The following RBFOX1 variants were observed in gnomAD, a reference collection of about 807,000 sequenced individuals.
RBFOX1 encodes the protein RNA binding fox-1 homolog 1.
RBFOX1 carries 8 observed loss-of-function variants against 57.7 expected under a neutral mutation model. That is an observed-to-expected ratio of 0.14 (90% CI 0.08 to 0.25). RBFOX1 has a LOEUF of 0.25. Ranked by LOEUF, RBFOX1 falls within the 10% of genes least tolerant of loss-of-function variation. RBFOX1 has a pLI of 1.00. For synonymous variants in RBFOX1, 326 were observed against 222.4 expected (o/e 1.47, Z -4.15); for missense variants, 611 against 548.5 (o/e 1.11, Z -1.14).
chr16:6,985,172 G>A (rs896165893), intron 3 of RBFOX1, among the ~76,000 whole-genome samples: 1 of 134,600 alleles, frequency 7.4e-6, no homozygotes, highest in Admixed American at 7.2e-5. Context: ...AGCATAGTAT[G>A]GTTTAAAATG....
intron 3 of RBFOX1, among the ~76,000 whole-genome samples, chr16:6,666,747 C>A (rs567839168): frequency 1.3e-5 from 2 of 152,102 alleles, no homozygotes; most frequent in African/African-American, 4.8e-5. Context: ...CGGTGACTTA[C>A]GAGAGTTATT....
At chr16:7,636,634 G>C (rs1024114575) in intron 11 of RBFOX1, among the ~76,000 whole-genome samples, 2 of 152,146 alleles carry the variant, frequency 1.3e-5, no homozygotes, top group African/African-American at 4.8e-5. Context: ...GTTTTGTTTT[G>C]CACTGTATCA....
chr16:6,659,877 G>C (rs116798453), intron 3 of RBFOX1, among the ~76,000 whole-genome samples: 7 of 152,028 alleles, frequency 4.6e-5, no homozygotes, highest in African/African-American at 1.7e-4. Flanking sequence ...GACCTGATTC[G>C]GTTCCTAGGT....
At chr16:7,564,669 G>A (rs1052639896) in intron 5 of RBFOX1, among the ~76,000 whole-genome samples, 1 of 149,260 alleles carries the variant, frequency 6.7e-6, no homozygotes, top group Non-Finnish European at 1.5e-5. Flanking sequence ...AGAAATAAAT[G>A]TCTGTTGTTT....
At chr16:6,854,830 G>A (rs559830774) in intron 3 of RBFOX1, among the ~76,000 whole-genome samples, 69 of 152,038 alleles carry the variant, frequency 4.5e-4, no homozygotes, top group African/African-American at 1.5e-3. Context: ...TCCTGACCTC[G>A]TGATCCGCCT....
chr16:6,814,184 C>G (rs564384301), intron 3 of RBFOX1, among the ~76,000 whole-genome samples: 8 of 144,772 alleles, frequency 5.5e-5, no homozygotes, highest in Non-Finnish European at 1.0e-4. Context: ...GATCTCATTG[C>G]ATGATCAACA....
intron 14 of RBFOX1, among the ~76,000 whole-genome samples, chr16:7,704,629 C>T (rs538289242): frequency 1.3e-5 from 2 of 152,308 alleles, no homozygotes; most frequent in East Asian, 3.9e-4. Flanking sequence ...GACACTGCCC[C>T]AGCCTCCATG....
chr16:6,542,104 T>TG lies in RBFOX1; in HGVS notation c.-63-112499_-63-112498insG, dbSNP rs1247803509. Among the ~76,000 whole-genome samples, 4 of 152,256 alleles carry TG rather than the reference T, an allele frequency of 2.6e-5. No individual in the cohort carries two copies. In the East Asian group the frequency reaches 7.7e-4, roughly 29 times the overall value. ...CCATCACACAGAGATAACTTTTTTTTCTTTAGAGACAGGCTATTGCTATGT... is the reference window on the plus strand; with the variant it reads ...CCATCACACAGAGATAACTTTTTTTTGCTTTAGAGACAGGCTATTGCTATGT... On this transcript the variant is annotated intron_variant, in intron 2 of 15. Coordinates refer to ENST00000550418, the MANE Select transcript of RBFOX1 (RefSeq NM_018723.4).
At chr16:7,622,622 T>A (rs374720034) in intron 10 of RBFOX1, among the ~76,000 whole-genome samples, 1 of 84,822 alleles carries the variant, frequency 1.2e-5, no homozygotes, top group Non-Finnish European at 2.2e-5. Flanking sequence ...AAGTGGTGTA[T>A]TTTTTTTTTG....
chr16:6,615,737 C>T (rs945452686), intron 2 of RBFOX1, among the ~76,000 whole-genome samples: 1 of 152,140 alleles, frequency 6.6e-6, no homozygotes, highest in Non-Finnish European at 1.5e-5. Context: ...CTTTGAAAGT[C>T]TCTCTATATA....
chr16:7,695,742 ATT>A (rs1568511324), intron 14 of RBFOX1, among the ~76,000 whole-genome samples: 1 of 151,534 alleles, frequency 6.6e-6, no homozygotes, highest in Non-Finnish European at 1.5e-5. Context: ...TTATAAAAAC[ATT>A]TATTAGAGCA....
chr16:7,437,259 C>CG (rs377066561), intron 4 of RBFOX1, among the ~76,000 whole-genome samples: 2 of 77,584 alleles, frequency 2.6e-5, no homozygotes, highest in East Asian at 7.0e-4. Flanking sequence ...TGCCCCCCCC[C>CG]CCTTTCTGTT....
intron 4 of RBFOX1, among the ~76,000 whole-genome samples, chr16:7,293,839 A>G (rs528809805): frequency 5.8e-4 from 89 of 152,242 alleles, no homozygotes; most frequent in Non-Finnish European, 8.4e-4. Flanking sequence ...AAGGTATGCA[A>G]TGATGCCAGG....
chr16:6,235,433 T>A (rs2097498360), intron 1 of RBFOX1, among the ~76,000 whole-genome samples: 1 of 152,072 alleles, frequency 6.6e-6, no homozygotes, highest in Non-Finnish European at 1.5e-5. Context: ...GGTCATCATA[T>A]GAAAAAGACA....
intron 3 of RBFOX1, among the ~76,000 whole-genome samples, chr16:6,974,308 G>A (rs1187006417): frequency 1.4e-5 from 2 of 146,086 alleles, no homozygotes; most frequent in Non-Finnish European, 3.0e-5. Context: ...CCAGTTTGTG[G>A]TGATATAAAT....
intron 1 of RBFOX1, among the ~76,000 whole-genome samples, chr16:5,316,055 C>T (rs1302480005): frequency 2.6e-5 from 4 of 152,226 alleles, no homozygotes; most frequent in African/African-American, 9.6e-5. Context: ...GCTGTCTCTG[C>T]TCTCAGCCAT....
chr16:6,144,293 G>A (rs144001925), intron 1 of RBFOX1, among the ~76,000 whole-genome samples: 31 of 152,192 alleles, frequency 2.0e-4, no homozygotes, highest in Admixed American at 1.6e-3. Flanking sequence ...ATCCAGAGAT[G>A]GGCTTCCTGC....
At chr16:6,571,984 A>G (rs1467696592) in intron 2 of RBFOX1, among the ~76,000 whole-genome samples, 7 of 152,290 alleles carry the variant, frequency 4.6e-5, no homozygotes, top group South Asian at 2.1e-4. Flanking sequence ...CAATTTGGTG[A>G]TAGCCTTTCA....
intron 4 of RBFOX1, among the ~76,000 whole-genome samples, chr16:7,403,904 A>G (rs2098287527): frequency 6.7e-6 from 1 of 149,538 alleles, no homozygotes; most frequent in South Asian, 2.1e-4. Flanking sequence ...TTAATTAAAT[A>G]TTATTCTTTT....
Sources: allele counts gnomAD v4.1 joint callset (sites outside exome capture counted in the v4.1 genomes callset), GRCh38; gene constraint gnomAD v4.1.1; transcripts MANE v1.5; gene names NCBI Gene and HGNC (gene_info 2026-07-23, HGNC 2026-07-21).